PPP1R37: variants seen among roughly 807,000 people sequenced by gnomAD.
PPP1R37 encodes leucine rich repeat containing 68.
Under a neutral mutation model 61.0 loss-of-function variants are expected in PPP1R37, and 21 were observed. The ratio of observed to expected loss-of-function variants is 0.34; its 90% CI spans 0.24 to 0.50. The LOEUF (loss-of-function observed/expected upper bound fraction) is 0.50. PPP1R37 is among the 20% of genes least tolerant of loss of function. PPP1R37 has a pLI of 0.98. For missense variants in PPP1R37, 910 were observed against 952.7 expected (o/e 0.96, Z 0.59); for synonymous variants, 443 against 433.5 (o/e 1.02, Z -0.27).
chr19:45,116,911 C>CT (rs61317000), intron 1 of PPP1R37, among the ~76,000 whole-genome samples: 17,149 of 121,016 alleles, frequency 0.14, 1,535 homozygotes, highest in African/African-American at 0.19. Flanking sequence ...GAGGAGGTGA[C>CT]TTTTTTTTTT....
Position 45,138,622 on chromosome 19 carries a change from GACA to G in PPP1R37, c.300+12_300+14del. On this transcript the variant is annotated intron_variant, in intron 2 of 12. Transcript: ENST00000221462. Reference sequence around the variant, plus strand: ...CTCAGGCAGCTGCAGGTATGGGCGGGACAGGGTGGGTGCGTCCGGTGTGGGTGT... The same window carrying G: ...CTCAGGCAGCTGCAGGTATGGGCGGGGGGTGGGTGCGTCCGGTGTGGGTGT... 1.2e-6 allele frequency: 1 copy of G among 868,368 alleles called. No homozygotes were observed. The highest frequency in any genetic ancestry group is 1.7e-6 in the Non-Finnish European group (1 of 571,528). 53.8% of individuals were successfully genotyped at this position (868,368 alleles called of 1,614,324 possible).
chr19:45,120,953 C>T (rs1354197271), intron 1 of PPP1R37, among the ~76,000 whole-genome samples: 1 of 152,186 alleles, frequency 6.6e-6, no homozygotes, highest in East Asian at 1.9e-4. Context: ...GCCAAATTGC[C>T]TTTGAGACGG....
intron 1 of PPP1R37, among the ~76,000 whole-genome samples, chr19:45,111,336 G>A (rs1968197679): frequency 6.6e-6 from 1 of 151,842 alleles, no homozygotes; most frequent in Admixed American, 6.6e-5. Context: ...GTGCAGTGGT[G>A]CAATCTCGGC....
intron 1 of PPP1R37, among the ~76,000 whole-genome samples, 155 bp downstream of exon 1, chr19:45,093,682 G>A (rs374275703): frequency 1.3e-5 from 2 of 152,196 alleles, no homozygotes; most frequent in South Asian, 4.1e-4. Flanking sequence ...CTGTTAGAAA[G>A]GGGGTGGCTA....
intron 1 of PPP1R37, among the ~76,000 whole-genome samples, chr19:45,114,245 A>AG (rs1968236549): frequency 6.6e-6 from 1 of 152,242 alleles, no homozygotes; most frequent in Non-Finnish European, 1.5e-5. Flanking sequence ...GAGGTGAATG[A>AG]GGGTGTTCAT....
At chr19:45,129,122 T>C (rs1968445169) in intron 1 of PPP1R37, 17 of 487,404 alleles carry the variant, frequency 3.5e-5, no homozygotes, top group South Asian at 3.1e-4. Context: ...GGACTCTTCC[T>C]ACACAATGTA....
At chr19:45,095,548 A>G (rs1366899974) in intron 1 of PPP1R37, among the ~76,000 whole-genome samples, 1 of 151,448 alleles carries the variant, frequency 6.6e-6, no homozygotes, top group Non-Finnish European at 1.5e-5. Flanking sequence ...AGATCACCTG[A>G]GCCCAGGAGT....
chr19:45,118,470 T>C (rs10402479), intron 1 of PPP1R37, among the ~76,000 whole-genome samples: 5,196 of 152,176 alleles, frequency 0.034, 297 homozygotes, highest in African/African-American at 0.12. Context: ...GATGTGACCT[T>C]TCTGACCCTC....
At chr19:45,146,284 C>T (rs1968699055) in intron 11 of PPP1R37, 106 bp from the exon 12 acceptor site, 1 of 1,088,346 alleles carries the variant, frequency 9.2e-7, no homozygotes, top group Admixed American at 2.4e-5. Flanking sequence ...TCTCAGCGGT[C>T]TCTGGGCACT....
chr19:45,113,759 C>A (rs1968230380), intron 1 of PPP1R37, among the ~76,000 whole-genome samples: 1 of 152,238 alleles, frequency 6.6e-6, no homozygotes, highest in Non-Finnish European at 1.5e-5. Context: ...TCAGAGAGTT[C>A]TCTCCGCCCC....
At chr19:45,106,158 G>A (rs1053170141) in intron 1 of PPP1R37, among the ~76,000 whole-genome samples, 2 of 152,200 alleles carry the variant, frequency 1.3e-5, no homozygotes, top group African/African-American at 2.4e-5. Context: ...CCAGAGAGGG[G>A]CGGCACTTAC....
chr19:45,115,890 C>T (rs1406864532), intron 1 of PPP1R37, among the ~76,000 whole-genome samples: 2 of 151,746 alleles, frequency 1.3e-5, no homozygotes, highest in East Asian at 1.9e-4. Context: ...AGGAGAATTG[C>T]GTGAACCCAG....
intron 4 of PPP1R37, 60 bp downstream of exon 4, chr19:45,140,666 G>C: frequency 7.5e-7 from 1 of 1,327,902 alleles, no homozygotes; most frequent in Non-Finnish European, 1.0e-6. Context: ...TTCGAGGTTT[G>C]GGTGGGGAGA....
chr19:45,109,535 G>T (rs1244596025), intron 1 of PPP1R37, among the ~76,000 whole-genome samples: 1 of 152,230 alleles, frequency 6.6e-6, no homozygotes, highest in Non-Finnish European at 1.5e-5. Context: ...GTGACTCGGT[G>T]AACCTGCTGG....
At chr19:45,129,952 C>T (rs542756614) in intron 1 of PPP1R37, among the ~76,000 whole-genome samples, 5 of 152,348 alleles carry the variant, frequency 3.3e-5, no homozygotes, top group Non-Finnish European at 7.3e-5. Context: ...TTAGTCTGTA[C>T]TCTTGCCTCT....
At chr19:45,138,292 G>A (rs936663940) in intron 1 of PPP1R37, among the ~76,000 whole-genome samples, 2 of 152,210 alleles carry the variant, frequency 1.3e-5, no homozygotes, top group Non-Finnish European at 2.9e-5. Context: ...GAGGTGAGGC[G>A]TGGAGGGCAG....
At chr19:45,122,609 A>G (rs1968355643) in intron 1 of PPP1R37, among the ~76,000 whole-genome samples, 1 of 152,144 alleles carries the variant, frequency 6.6e-6, no homozygotes, top group African/African-American at 2.4e-5. Flanking sequence ...GAGGGTGGCC[A>G]GGGAAGGCCT....
At chr19:45,100,022 A>C (rs1025080623) in intron 1 of PPP1R37, 2 of 152,326 alleles carry the variant, frequency 1.3e-5, no homozygotes, top group East Asian at 3.9e-4. Flanking sequence ...GCGAACCTTC[A>C]CAGGCATCCG....
At chr19:45,138,748 A>G (rs1213948890) in intron 2 of PPP1R37, 137 bp downstream of exon 2, 2 of 581,100 alleles carry the variant, frequency 3.4e-6, no homozygotes, top group East Asian at 2.8e-5. Context: ...CCTGCTGCTC[A>G]GCTAGAGAAT....
Sources: gnomAD v4.1 joint callset for allele counts (sites outside exome capture counted in the v4.1 genomes callset) on GRCh38, gnomAD v4.1.1 for gene constraint, MANE v1.5 for transcripts, NCBI Gene and HGNC (gene_info 2026-07-23, HGNC 2026-07-21) for gene names.